ST6GALNAC3: variants seen among roughly 807,000 people sequenced by gnomAD.
ST6GALNAC3 encodes the protein alpha-N-acetylgalactosaminide alpha-2,6-sialyltransferase 3.
A neutral mutation model predicts 32.7 loss-of-function variants in ST6GALNAC3; 25 were observed. That is an observed-to-expected ratio of 0.76 (90% confidence interval 0.56 to 1.07). The LOEUF is 1.07. Among genes scored for constraint, ST6GALNAC3 ranks in the 50% least tolerant of loss-of-function variants. The pLI is 0.00. For synonymous variants in ST6GALNAC3, 129 were observed against 133.1 expected, an observed-to-expected ratio of 0.97 and a Z score of 0.21; for missense variants, 355 against 382.4, an observed-to-expected ratio of 0.93 and a Z score of 0.60.
At chr1:76,427,926 T>C (rs893389783) in intron 3 of ST6GALNAC3, among the ~76,000 whole-genome samples, 1 of 152,152 alleles carries the variant, frequency 6.6e-6, no homozygotes, top group Non-Finnish European at 1.5e-5. Flanking sequence ...AATGTCTTTC[T>C]ATAGTTCTGG....
At chr1:76,243,191 T>C (rs538794958) in intron 1 of ST6GALNAC3, among the ~76,000 whole-genome samples, 1 of 152,364 alleles carries the variant, frequency 6.6e-6, no homozygotes, top group African/African-American at 2.4e-5. Context: ...TGATTTGCAT[T>C]TCTCTAATGA....
intron 2 of ST6GALNAC3, among the ~76,000 whole-genome samples, chr1:76,382,370 G>T (rs1390580932): frequency 6.6e-6 from 1 of 152,142 alleles, no homozygotes; most frequent in African/African-American, 2.4e-5. Context: ...ATAGATATCA[G>T]ATTGATTATT....
intron 1 of ST6GALNAC3, among the ~76,000 whole-genome samples, chr1:76,145,803 G>C (rs1278272718): frequency 6.6e-6 from 1 of 152,164 alleles, no homozygotes; most frequent in African/African-American, 2.4e-5. Flanking sequence ...TAAGTCATCT[G>C]CTTTTTCAAT....
At chr1:76,566,724 A>G (rs1037300557) in intron 3 of ST6GALNAC3, among the ~76,000 whole-genome samples, 2 of 152,170 alleles carry the variant, frequency 1.3e-5, no homozygotes, top group African/African-American at 4.8e-5. Flanking sequence ...GCCCGGTTTA[A>G]TTCTTTCTAG....
chr1:76,484,386 C>CT (rs1358581527), intron 3 of ST6GALNAC3, among the ~76,000 whole-genome samples: 1 of 150,860 alleles, frequency 6.6e-6, no homozygotes, highest in Non-Finnish European at 1.5e-5. Context: ...TTTGTGTCCT[C>CT]TTTTATTTCG....
intron 1 of ST6GALNAC3, among the ~76,000 whole-genome samples, chr1:76,211,547 C>A (rs1320572479): frequency 6.6e-6 from 1 of 152,092 alleles, no homozygotes; most frequent in African/African-American, 2.4e-5. Context: ...AAATGTCCAA[C>A]AATGATAGAC....
intron 1 of ST6GALNAC3, among the ~76,000 whole-genome samples, chr1:76,093,893 A>G (rs949142193): frequency 2.0e-5 from 3 of 152,258 alleles, no homozygotes; most frequent in Non-Finnish European, 4.4e-5. Context: ...CACATAAGCC[A>G]GAGTTCTAAG....
At chr1:76,363,594 T>A (rs1323859522) in intron 2 of ST6GALNAC3, among the ~76,000 whole-genome samples, 1 of 152,232 alleles carries the variant, frequency 6.6e-6, no homozygotes, top group Non-Finnish European at 1.5e-5. Flanking sequence ...TGCCCCATTC[T>A]GTATTCATTT....
At chr1:76,352,454 C>T (rs1649060346) in intron 2 of ST6GALNAC3, among the ~76,000 whole-genome samples, 2 of 145,086 alleles carry the variant, frequency 1.4e-5, no homozygotes, top group South Asian at 4.4e-4. Flanking sequence ...GTCCCTCCTG[C>T]TTTCCCTCTG....
chr1:76,235,703 G>A (rs893513155), intron 1 of ST6GALNAC3, among the ~76,000 whole-genome samples: 2 of 148,884 alleles, frequency 1.3e-5, no homozygotes, highest in Non-Finnish European at 3.0e-5. Context: ...TGGTAACAAG[G>A]TGCCACAAAC....
chr1:76,363,271 T>C lies in ST6GALNAC3; in HGVS notation c.214-48737T>C, dbSNP rs150163042. On this transcript the variant is annotated intron_variant, in intron 2 of 4. Coordinates refer to ENST00000328299, the MANE Select transcript of ST6GALNAC3 (RefSeq NM_152996.4). ...TTCTCCCACTAGATACTGTAAATCA[T>C]CACTCTCATGTTCAAAGTTCCACAG... 2.9e-3 allele frequency among the ~76,000 whole-genome samples: 447 copies of C among 152,298 alleles called. 1 individual carries two copies. Among genetic ancestry groups the C allele is most frequent in the African/African-American group, 0.01 (424 of 41,564 alleles).
At chr1:76,375,503 G>A (rs1033723004) in intron 2 of ST6GALNAC3, among the ~76,000 whole-genome samples, 1 of 152,316 alleles carries the variant, frequency 6.6e-6, no homozygotes, top group Non-Finnish European at 1.5e-5. Flanking sequence ...GTCATGCAAA[G>A]CCAAGGCCAT....
Position 76,628,993 on chromosome 1 carries a change from G to A in ST6GALNAC3, c.*187G>A. On this transcript the variant is annotated 3_prime_UTR_variant, in exon 5 of 5. Transcript: ENST00000328299. ...TAAACTTGGCATTTCATGGAGGATG[G>A]TTGTGCTCATGATGTTCTTTCTGGA... The A allele has an allele frequency of 7.1e-7, 1 of 1,398,896 alleles. No homozygotes were observed. The highest frequency in any genetic ancestry group is 9.2e-7 in the Non-Finnish European group (1 of 1,083,304). 86.7% of individuals were successfully genotyped at this position (1,398,896 alleles called of 1,614,324 possible).
intron 1 of ST6GALNAC3, among the ~76,000 whole-genome samples, chr1:76,219,704 G>A (rs1655662160): frequency 2.0e-5 from 3 of 152,234 alleles, no homozygotes; most frequent in South Asian, 4.1e-4. Context: ...TGTGGTGGAT[G>A]TGTCATATCA....
chr1:76,256,042 A>ACACACACAC (rs60807437), intron 1 of ST6GALNAC3, among the ~76,000 whole-genome samples: 1 of 151,598 alleles, frequency 6.6e-6, no homozygotes, highest in Non-Finnish European at 1.5e-5. Context: ...ACACACACAC[A>ACACACACAC]ATTAGGAAAA....
chr1:76,169,236 G>T (rs1417480514), intron 1 of ST6GALNAC3, among the ~76,000 whole-genome samples: 1 of 152,072 alleles, frequency 6.6e-6, no homozygotes, highest in African/African-American at 2.4e-5. Context: ...TAAAATTCTG[G>T]GTTGGAATTT....
intron 2 of ST6GALNAC3, among the ~76,000 whole-genome samples, chr1:76,356,180 T>C (rs969095797): frequency 6.6e-6 from 1 of 152,126 alleles, no homozygotes; most frequent in Non-Finnish European, 1.5e-5. Context: ...TTTCCAAACA[T>C]TTATTGAATT....
At position 76,193,930 on chromosome 1, in the gene ST6GALNAC3, G is replaced by A. The variant is rs1204665080; in HGVS notation, c.18+119046G>A. 2.0e-5 allele frequency among the ~76,000 whole-genome samples: 3 copies of A among 152,206 alleles called. No homozygotes were observed. The Middle Eastern group carries it at 0.01, about 518-fold the overall frequency. ...AAGAACCTTAATCTTATAGGACCAG[G>A]TCCCCACACTTCTGACTTCATTTAA... On this transcript the variant is annotated intron_variant, in intron 1 of 4. Transcript: ENST00000328299.
chr1:76,471,073 T>C (rs985953742), intron 3 of ST6GALNAC3, among the ~76,000 whole-genome samples: 5 of 152,154 alleles, frequency 3.3e-5, no homozygotes, highest in African/African-American at 1.2e-4. Context: ...AAAATGTTTC[T>C]GGTTCTTTAT....
Sources: gnomAD v4.1 joint callset for allele counts (sites outside exome capture counted in the v4.1 genomes callset) on GRCh38, gnomAD v4.1.1 for gene constraint, MANE v1.5 for transcripts, NCBI Gene and HGNC (gene_info 2026-07-23, HGNC 2026-07-21) for gene names.